Variants in RNF150 observed in about 807,000 individuals in gnomAD.
The protein encoded by RNF150 is ring finger protein 150.
A neutral mutation model predicts 39.3 loss-of-function variants in RNF150; 24 were observed. The observed-to-expected ratio is 0.61, with a 90% CI of 0.44 to 0.86. The LOEUF (loss-of-function observed/expected upper bound fraction) is 0.86, where lower values mean the gene tolerates loss of function less well. Among genes scored for constraint, RNF150 ranks in the 40% least tolerant of loss-of-function variants. The pLI is 0.00. For missense variants in RNF150, 502 were observed against 587.8 expected, an observed-to-expected ratio of 0.85 and a Z score of 1.51; for synonymous variants, 255 against 227.3, an observed-to-expected ratio of 1.12 and a Z score of -1.10.
Position 141,118,292 on chromosome 4 carries a change from C to T in RNF150, c.484+14033G>A, listed in dbSNP as rs146788612. 3.0e-3 allele frequency among the ~76,000 whole-genome samples: 462 copies of T among 152,292 alleles called. 1 individual carries two copies. Among genetic ancestry groups the T allele is most frequent in the African/African-American group, 9.8e-3 (409 of 41,564 alleles). On this transcript the variant is annotated intron_variant, in intron 1 of 6. Transcript: ENST00000515673. ...TGCATTTGAGGCTGCTGCCCTATGA[C>T]CTTGGCAATTGAACATAGGTTTTGA...
At chr4:141,164,156 T>C (rs1271387400) in intron 1 of RNF150, among the ~76,000 whole-genome samples, 3 of 150,888 alleles carry the variant, frequency 2.0e-5, no homozygotes, top group African/African-American at 7.3e-5. Context: ...TCGTGAAGCA[T>C]ACACAAGTAT....
At chr4:141,036,148 G>C (rs1736134411) in intron 1 of RNF150, among the ~76,000 whole-genome samples, 1 of 152,094 alleles carries the variant, frequency 6.6e-6, no homozygotes, top group Admixed American at 6.6e-5. Flanking sequence ...AAAAGCATAA[G>C]GAGCAACAAC....
chr4:141,158,342 A>C (rs529886117), intron 1 of RNF150, among the ~76,000 whole-genome samples: 96 of 152,256 alleles, frequency 6.3e-4, no homozygotes, highest in Non-Finnish European at 1.2e-3. Context: ...AAAACCTGAG[A>C]AGTGTGCTTA....
At chr4:141,001,010 A>T (rs987302) in intron 1 of RNF150, among the ~76,000 whole-genome samples, 145,874 of 152,300 alleles carry the variant, frequency 0.96, 70,162 homozygotes, top group East Asian at 1. Flanking sequence ...AAAAGAATTA[A>T]ACAAATCAGC....
intron 1 of RNF150, among the ~76,000 whole-genome samples, chr4:141,117,224 A>G (rs183820300): frequency 6.6e-6 from 1 of 152,338 alleles, no homozygotes; most frequent in Non-Finnish European, 1.5e-5. Flanking sequence ...TAAATCCATA[A>G]TAATTTATAA....
chr4:141,188,485 A>C (rs1332226032), intron 1 of RNF150, among the ~76,000 whole-genome samples: 1 of 152,166 alleles, frequency 6.6e-6, no homozygotes, highest in African/African-American at 2.4e-5. Flanking sequence ...CAGGTACACC[A>C]ACCAATCGTA....
chr4:141,132,114 G>A lies in RNF150; in HGVS notation c.484+211C>T, dbSNP rs879045141. 1.3e-5 allele frequency among the ~76,000 whole-genome samples: 2 copies of A among 152,130 alleles called. No homozygotes were observed. Among genetic ancestry groups the A allele is most frequent in the Non-Finnish European group, 2.9e-5 (2 of 68,024 alleles). ...CAAGCGGCGCTATGCCAAGCTCTCC[G>A]GCAGCCTCTCCCCTACCCAATACAG... On this transcript the variant is annotated intron_variant, in intron 1 of 6. Transcript: ENST00000515673. This position sits in a 1 kb window ranked among gnomAD's most constrained non-coding sequence, Gnocchi z 4.9.
At position 140,931,194 on chromosome 4, in the gene RNF150, A is replaced by G. The variant is rs556898730; in HGVS notation, c.891-5121T>C. On this transcript the variant is annotated intron_variant, in intron 4 of 6. Coordinates refer to ENST00000515673, the MANE Select transcript of RNF150 (RefSeq NM_020724.2). ...TAAATCTTATTAATAGCATTGTATT[A>G]CATCTTATTTTAAAGATATTATGTG... is the stretch of plus-strand genomic sequence containing the variant. Among the ~76,000 whole-genome samples, 3 of 152,288 alleles carry G rather than the reference A, an allele frequency of 2.0e-5. No homozygotes were observed. In the South Asian group the frequency reaches 6.2e-4, roughly 32 times the overall value.
intron 4 of RNF150, among the ~76,000 whole-genome samples, chr4:140,929,121 G>C (rs1441999320): frequency 2.0e-5 from 3 of 152,094 alleles, no homozygotes; most frequent in Non-Finnish European, 4.4e-5. Flanking sequence ...GGGCTCTGCT[G>C]TTTTCTGCAC....
chr4:141,201,785 T>C (rs1340800019), intron 1 of RNF150, among the ~76,000 whole-genome samples: 2 of 152,130 alleles, frequency 1.3e-5, no homozygotes, highest in Non-Finnish European at 2.9e-5. Flanking sequence ...GTTTGGAAAA[T>C]GGCTACCAAC....
At chr4:140,941,001 C>A (rs892350692) in intron 4 of RNF150, among the ~76,000 whole-genome samples, 4 of 151,958 alleles carry the variant, frequency 2.6e-5, no homozygotes, top group Non-Finnish European at 5.9e-5. Context: ...TTGGGGTACA[C>A]CTGCTTCAAA....
intron 1 of RNF150, among the ~76,000 whole-genome samples, chr4:141,056,768 G>A (rs1390468264): frequency 6.6e-6 from 1 of 151,906 alleles, no homozygotes; most frequent in Non-Finnish European, 1.5e-5. Context: ...GGGAGCCCTG[G>A]TCTCAGGACT....
intron 1 of RNF150, among the ~76,000 whole-genome samples, chr4:141,077,033 G>T (rs1578701696): frequency 6.6e-6 from 1 of 152,054 alleles, no homozygotes; most frequent in Non-Finnish European, 1.5e-5. Context: ...TCCTGAAAAA[G>T]TCACCTGGTT....
At chr4:141,127,132 C>T (rs1165574751) in intron 1 of RNF150, among the ~76,000 whole-genome samples, 6 of 136,768 alleles carry the variant, frequency 4.4e-5, no homozygotes, top group Admixed American at 2.9e-4. Flanking sequence ...GCAGACAGAC[C>T]ACCTGGGTTG....
chr4:140,884,867 T>C lies in RNF150; in HGVS notation c.1199-16488A>G, dbSNP rs571500726. Among the ~76,000 whole-genome samples, 15 of 152,262 alleles carry C rather than the reference T, an allele frequency of 9.9e-5. No homozygotes were observed. The South Asian group carries it at 3.1e-3, about 32-fold the overall frequency. On this transcript the variant is annotated intron_variant, in intron 6 of 6. Coordinates refer to ENST00000515673, the MANE Select transcript of RNF150 (RefSeq NM_020724.2). Reference sequence around the variant, plus strand: ...ACTCTGAGTTGGGAGTTTTCTCCAATGGCACCATGCTATACTAGAGGGGAG... The same window carrying C: ...ACTCTGAGTTGGGAGTTTTCTCCAACGGCACCATGCTATACTAGAGGGGAG...
chr4:141,042,466 G>A lies in RNF150; in HGVS notation c.485-74593C>T, dbSNP rs568560910. 2.6e-5 allele frequency among the ~76,000 whole-genome samples: 4 copies of A among 152,136 alleles called. No homozygotes were observed. In the South Asian group the frequency reaches 8.3e-4, roughly 32 times the overall value. On this transcript the variant is annotated intron_variant, in intron 1 of 6. Coordinates refer to ENST00000515673, the MANE Select transcript of RNF150 (RefSeq NM_020724.2). ...CTAAAATTTCAACTAGTTTAATTCA[G>A]ATTGGTCTTCCTTCCTTGAGGCTTT...
intron 1 of RNF150, chr4:141,053,809 C>T (rs1736869007): frequency 3.0e-6 from 2 of 667,702 alleles, no homozygotes; most frequent in African/African-American, 3.7e-5. Context: ...GCTATCCCTT[C>T]AAAATGCTCT....
At chr4:140,929,714 C>CAATA (rs1731550327) in intron 4 of RNF150, among the ~76,000 whole-genome samples, 1 of 152,066 alleles carries the variant, frequency 6.6e-6, no homozygotes, top group Admixed American at 6.6e-5. Flanking sequence ...TAGTATAGTT[C>CAATA]TTCAATTGAC....
intron 1 of RNF150, among the ~76,000 whole-genome samples, chr4:141,125,059 A>G (rs1019216187): frequency 2.0e-5 from 3 of 152,212 alleles, no homozygotes; most frequent in Admixed American, 6.5e-5. Context: ...CTACTTATAG[A>G]AAGCAATTTA....
Sources: allele counts gnomAD v4.1 joint callset (sites outside exome capture counted in the v4.1 genomes callset), GRCh38; gene constraint gnomAD v4.1.1; non-coding constraint Gnocchi (gnomAD v3.1); transcripts MANE v1.5; gene names NCBI Gene and HGNC (gene_info 2026-07-23, HGNC 2026-07-21).